C2CD5: variants seen among roughly 807,000 people sequenced by gnomAD.
C2CD5 encodes the protein C2 calcium dependent domain containing 5.
Under a neutral mutation model 130.3 loss-of-function variants are expected in C2CD5, and 109 were observed. The ratio of observed to expected loss-of-function variants is 0.84; its 90% CI spans 0.72 to 0.98. C2CD5 has a LOEUF of 0.98. C2CD5 is among the 50% of genes least tolerant of loss of function. C2CD5 has a pLI of 0.00. For missense variants in C2CD5, 996 were observed against 1,261.8 expected, an observed-to-expected ratio of 0.79 and a Z score of 3.19; for synonymous variants, 454 against 429.2, an observed-to-expected ratio of 1.06 and a Z score of -0.71.
chr12:22,524,318 G>C (rs1195305674), intron 6 of C2CD5, among the ~76,000 whole-genome samples, 154 bp downstream of exon 6: 1 of 152,170 alleles, frequency 6.6e-6, no homozygotes, highest in African/African-American at 2.4e-5. Flanking sequence ...AGAGGGCAAT[G>C]CAAGTGTGTT....
At chr12:22,495,877 C>G (rs182172565) in intron 10 of C2CD5, among the ~76,000 whole-genome samples, 1 of 151,898 alleles carries the variant, frequency 6.6e-6, no homozygotes, top group African/African-American at 2.4e-5. Context: ...GATATTTTGG[C>G]GCATGCTTGG....
chr12:22,477,566 G>T (rs1308798562), intron 15 of C2CD5, among the ~76,000 whole-genome samples: 2 of 151,900 alleles, frequency 1.3e-5, no homozygotes, highest in Non-Finnish European at 2.9e-5. Context: ...CAATGTGCAG[G>T]TTTGTTACAT....
intron 17 of C2CD5, 104 bp from the exon 18 acceptor site, chr12:22,472,451 T>C (rs1318624821): frequency 7.5e-6 from 5 of 666,576 alleles, no homozygotes; most frequent in Non-Finnish European, 1.3e-5. Context: ...ATAACACCCT[T>C]CATTTTTTTT....
At chr12:22,478,177 T>C (rs1944146609) in intron 15 of C2CD5, 136 bp downstream of exon 15, 5 of 696,952 alleles carry the variant, frequency 7.2e-6, no homozygotes, top group Middle Eastern at 3.9e-4. Flanking sequence ...AGCAAAGACA[T>C]AAAGGGAGGT....
chr12:22,529,971 CAAA>C (rs1161666480), intron 3 of C2CD5, among the ~76,000 whole-genome samples: 1 of 151,240 alleles, frequency 6.6e-6, no homozygotes, highest in Non-Finnish European at 1.5e-5. Flanking sequence ...GATGGAGTCC[CAAA>C]TGACTGCGTG....
chr12:22,485,075 A>G (rs2136340559), intron 12 of C2CD5, among the ~76,000 whole-genome samples, 187 bp from the exon 13 acceptor site: 1 of 152,122 alleles, frequency 6.6e-6, no homozygotes, highest in East Asian at 1.9e-4. Flanking sequence ...AGAACCATAC[A>G]TTTTTCCTAT....
chr12:22,492,149 A>G (rs1217308153), intron 11 of C2CD5, among the ~76,000 whole-genome samples: 2 of 152,182 alleles, frequency 1.3e-5, no homozygotes, highest in Admixed American at 1.3e-4. Flanking sequence ...TTCCCTAACA[A>G]TAAGGATCAC....
chr12:22,480,212 T>A (rs1341224242), intron 14 of C2CD5, among the ~76,000 whole-genome samples: 1 of 152,232 alleles, frequency 6.6e-6, no homozygotes, highest in Non-Finnish European at 1.5e-5. Flanking sequence ...GAACACAGAC[T>A]CTGGCATCAG....
intron 13 of C2CD5, 54 bp from the exon 14 acceptor site, chr12:22,482,797 G>T: frequency 7.4e-7 from 1 of 1,351,960 alleles, no homozygotes; most frequent in Admixed American, 2.0e-5. Context: ...CTTTAAAAAT[G>T]TCCAAATTTT....
intron 12 of C2CD5, among the ~76,000 whole-genome samples, chr12:22,489,732 A>C (rs1946093698): frequency 6.6e-6 from 1 of 152,110 alleles, no homozygotes; most frequent in South Asian, 2.1e-4. Flanking sequence ...CTATTTTGTA[A>C]ATTAAGAATT....
At chr12:22,539,552 A>G (rs1290882263) in intron 2 of C2CD5, among the ~76,000 whole-genome samples, 1 of 152,016 alleles carries the variant, frequency 6.6e-6, no homozygotes, top group East Asian at 1.9e-4. Flanking sequence ...CATTTCTAGC[A>G]GTGGTTTTGG....
chr12:22,459,906 A>T (rs1347797577), intron 22 of C2CD5, among the ~76,000 whole-genome samples: 2 of 152,242 alleles, frequency 1.3e-5, no homozygotes, highest in South Asian at 4.1e-4. Flanking sequence ...AATATCTGAA[A>T]TGAAACATGG....
chr12:22,544,281 C>A, intron 1 of C2CD5, 39 bp downstream of exon 1: 1 of 705,720 alleles, frequency 1.4e-6, no homozygotes, highest in Non-Finnish European at 2.2e-6. Context: ...CGGGGGCGCG[C>A]GCGGGCGCCC....
intron 5 of C2CD5, among the ~76,000 whole-genome samples, chr12:22,525,117 GGAGA>G (rs1198595250): frequency 6.6e-6 from 1 of 152,098 alleles, no homozygotes; most frequent in Non-Finnish European, 1.5e-5. Context: ...GATTCAAAAA[GGAGA>G]GAGAGAACCT....
In C2CD5 at chr12:22,543,462, G is replaced by A. The variant is rs1460305410; in HGVS notation, c.90+599C>T. On this transcript the variant is annotated intron_variant, in intron 2 of 26. Coordinates refer to ENST00000446597, the MANE Select transcript of C2CD5 (RefSeq NM_001286176.2). ...AAGTGTTGCAGTTGTGTTTTAGAACGTGCATGGCAGATTCACAAAATGTTA... is the reference window on the plus strand; with the variant it reads ...AAGTGTTGCAGTTGTGTTTTAGAACATGCATGGCAGATTCACAAAATGTTA... 5.3e-5 allele frequency among the ~76,000 whole-genome samples: 8 copies of A among 152,240 alleles called. No individual in the cohort carries two copies. In the South Asian group the frequency reaches 1.7e-3, roughly 31 times the overall value.
At chr12:22,461,762 G>C (rs1941208573) in intron 22 of C2CD5, among the ~76,000 whole-genome samples, 1 of 152,044 alleles carries the variant, frequency 6.6e-6, no homozygotes, top group Non-Finnish European at 1.5e-5. Flanking sequence ...AAAAGGGAGG[G>C]AAAATGTTTA....
intron 10 of C2CD5, among the ~76,000 whole-genome samples, chr12:22,505,501 C>G (rs1251881834): frequency 6.6e-6 from 1 of 152,052 alleles, no homozygotes; most frequent in Non-Finnish European, 1.5e-5. Context: ...CAATACAAGC[C>G]TCACAAAGAG....
chr12:22,519,857 G>T (rs1264324074), intron 7 of C2CD5, among the ~76,000 whole-genome samples: 3 of 151,884 alleles, frequency 2.0e-5, no homozygotes, highest in African/African-American at 4.8e-5. Context: ...TTAAAATCAG[G>T]TTACACTGGA....
At chr12:22,473,219 A>AT (rs1355000213) in intron 16 of C2CD5, among the ~76,000 whole-genome samples, 1 of 152,224 alleles carries the variant, frequency 6.6e-6, no homozygotes, top group Admixed American at 6.5e-5. Flanking sequence ...TCTAAACTCT[A>AT]TTTTTTTAAT....
Sources: gnomAD v4.1 joint callset for allele counts (sites outside exome capture counted in the v4.1 genomes callset) on GRCh38, gnomAD v4.1.1 for gene constraint, MANE v1.5 for transcripts, NCBI Gene and HGNC (gene_info 2026-07-23, HGNC 2026-07-21) for gene names.